The following RETSAT variants were observed in gnomAD, a reference collection of about 807,000 sequenced individuals.
RETSAT encodes the protein all-trans-retinol 13,14-reductase.
A neutral mutation model predicts 61.6 loss-of-function variants in RETSAT; 35 were observed. The ratio of observed to expected loss-of-function variants is 0.57; its 90% CI spans 0.43 to 0.75. The LOEUF (loss-of-function observed/expected upper bound fraction) is 0.75, where lower values mean the gene tolerates loss of function less well. Among genes scored for constraint, RETSAT ranks in the 30% least tolerant of loss-of-function variants. The pLI, the probability that RETSAT is intolerant of heterozygous loss-of-function variation, is 0.00. For missense variants in RETSAT, 670 were observed against 759.5 expected (o/e 0.88, Z 1.38); for synonymous variants, 277 against 310.4 (o/e 0.89, Z 1.13).
At chr2:85,348,859 T>C (rs1683249339) in intron 5 of RETSAT, among the ~76,000 whole-genome samples, 1 of 151,426 alleles carries the variant, frequency 6.6e-6, no homozygotes, top group Non-Finnish European at 1.5e-5. Context: ...CAAGCAATTC[T>C]TCCGCCTCAG....
At chr2:85,351,439 A>G (rs1226891552) in intron 2 of RETSAT, 1 of 488,170 alleles carries the variant, frequency 2.0e-6, no homozygotes, top group Admixed American at 3.9e-5. Context: ...CACTCGGGAG[A>G]CTGAGGCATG....
chr2:85,343,375 T>A lies in RETSAT; in HGVS notation c.1700A>T (p.Asp567Val). The A allele has an allele frequency of 6.2e-7, 1 of 1,612,458 alleles. No individual in the cohort carries two copies. The highest frequency in any genetic ancestry group is 8.5e-7 in the Non-Finnish European group (1 of 1,178,992). The stretch of plus-strand genomic sequence containing the variant: ...CCCGACCAGTCCACAGGTGAAGATA[T>A]CCTGGCCTAGGAGGCAAGAGCAGAG... ...PIPNLYLTGQ[D>V]IFTCGLVGAL... is the part of the protein sequence containing the mutation. The change falls in exon 11 of 11, where the codon GAT (aspartate) becomes GTT (valine). Residue 567 changes from aspartate (D) to valine (V), a missense_variant. Coordinates refer to ENST00000295802, the MANE Select transcript of RETSAT (RefSeq NM_017750.4).
At chr2:85,346,234 C>T in intron 5 of RETSAT, 140 bp from the exon 6 acceptor site, 1 of 1,140,026 alleles carries the variant, frequency 8.8e-7, no homozygotes, top group Non-Finnish European at 1.2e-6. Flanking sequence ...CAGGGCAGGC[C>T]CCTGGGAAAA....
rs764257993 is a variant in RETSAT at position 85,349,620 on chromosome 2, G to A, written c.800-39C>T. 4 of 1,543,712 alleles carry A rather than the reference G, an allele frequency of 2.6e-6. No homozygotes were observed. In the East Asian group the frequency reaches 9.0e-5, roughly 35 times the overall value. On this transcript the variant is annotated intron_variant, in intron 4 of 10. Coordinates refer to ENST00000295802, the MANE Select transcript of RETSAT (RefSeq NM_017750.4). ...GAAGGGTGGTGAGCTGGCAAGAGAAGGCACCAGCACCATTCAGAAAGGAAC... is the reference window on the plus strand; with the variant it reads ...GAAGGGTGGTGAGCTGGCAAGAGAAAGCACCAGCACCATTCAGAAAGGAAC...
chr2:85,343,265 G>C lies in RETSAT; in HGVS notation c.1810C>G (p.Arg604Gly). The change falls in exon 11 of 11, where the codon CGG becomes GGG. Residue 604 changes from arginine (R) to glycine (G), a missense_variant. Arg to Gly is a moderately radical substitution (Grantham distance 125). Transcript: ENST00000295802. ...SDLKNLDSRI[R>G]AQKKKN ...AACTAATTCTTTTTCTTCTGTGCCC[G>C]GATCCTAGAATCAAGATTCTTAAGG... 3 of 1,613,974 alleles carry C rather than the reference G, an allele frequency of 1.9e-6. No individual in the cohort carries two copies. The highest frequency in any genetic ancestry group is 2.5e-6 in the Non-Finnish European group (3 of 1,180,008).
At chr2:85,351,129 C>T (rs878967430) in intron 2 of RETSAT, 108 bp from the exon 3 acceptor site, 29 of 1,352,550 alleles carry the variant, frequency 2.1e-5, no homozygotes, top group East Asian at 4.6e-5. Context: ...GCCAAGTTCA[C>T]GCCCAGAGTG....
At chr2:85,350,285 C>T (rs1683276916) in intron 3 of RETSAT, 44 bp from the exon 4 acceptor site, 1 of 1,467,654 alleles carries the variant, frequency 6.8e-7, no homozygotes, top group Admixed American at 1.7e-5. Flanking sequence ...TCTAGAACCG[C>T]TTTGACAGAA....
intron 7 of RETSAT, 106 bp downstream of exon 7, chr2:85,344,488 G>A: frequency 6.4e-7 from 1 of 1,553,900 alleles, no homozygotes; most frequent in Non-Finnish European, 8.8e-7. Flanking sequence ...ACTTCCAGGA[G>A]CAAATTAGAA....
At chr2:85,347,647 C>G (rs868058150) in intron 5 of RETSAT, among the ~76,000 whole-genome samples, 1 of 152,244 alleles carries the variant, frequency 6.6e-6, no homozygotes, top group African/African-American at 2.4e-5. Context: ...GGATTACAGG[C>G]ATGAGCCACT....
chr2:85,351,884 G>T, intron 1 of RETSAT, 22 bp from the exon 2 acceptor site: 2 of 1,608,294 alleles, frequency 1.2e-6, no homozygotes, highest in Non-Finnish European at 1.7e-6. Flanking sequence ...GGGCCAAAGG[G>T]TGGGTTTCTC....
In RETSAT at chr2:85,349,607, G is replaced by A. The variant is rs1558683374; in HGVS notation, c.800-26C>T. 1.9e-6 allele frequency: 3 copies of A among 1,600,612 alleles called. No homozygotes were observed. The Middle Eastern group carries it at 5.0e-4, about 265-fold the overall frequency. On this transcript the variant is annotated intron_variant, in intron 4 of 10. Coordinates refer to ENST00000295802, the MANE Select transcript of RETSAT (RefSeq NM_017750.4). ...CTGCAGAAGCAAGGAAGGGTGGTGAGCTGGCAAGAGAAGGCACCAGCACCA... is the reference window on the plus strand; with the variant it reads ...CTGCAGAAGCAAGGAAGGGTGGTGAACTGGCAAGAGAAGGCACCAGCACCA...
intron 5 of RETSAT, 54 bp downstream of exon 5, chr2:85,349,328 GTC>G (rs10590946): frequency 0.19 from 296,732 of 1,577,310 alleles, 28,871 homozygotes; most frequent in East Asian, 0.36. Flanking sequence ...GAGACCCCAG[GTC>G]TCGCCCACAC....
chr2:85,347,506 C>T lies in RETSAT; in HGVS notation c.998-1412G>A, dbSNP rs554174889. Among the ~76,000 whole-genome samples the T allele has an allele frequency of 3.3e-5, 5 of 152,022 alleles. No individual in the cohort carries two copies. In the South Asian group the frequency reaches 6.2e-4, roughly 19 times the overall value. On this transcript the variant is annotated intron_variant, in intron 5 of 10. Transcript: ENST00000295802. Reference sequence around the variant, plus strand: ...CCTCCCAAAGTGCTGGGATTACAGGCGTGAGCCACTGCGCCTGGCCCTGGC... The same window carrying T: ...CCTCCCAAAGTGCTGGGATTACAGGTGTGAGCCACTGCGCCTGGCCCTGGC...
In RETSAT at chr2:85,351,267, C is replaced by T. The variant is rs544675207; in HGVS notation, c.356-246G>A. The T allele has an allele frequency of 1.9e-5, 10 of 538,302 alleles. No homozygotes were observed. The South Asian group carries it at 2.1e-4, about 11-fold the overall frequency. 33.3% of individuals were successfully genotyped at this position (538,302 alleles called of 1,614,324 possible). A position where few individuals can be genotyped will look rare whatever the true frequency, so the allele number is the denominator to read the frequency against. On this transcript the variant is annotated intron_variant, in intron 2 of 10. Transcript: ENST00000295802. Reference sequence around the variant, plus strand: ...GAGGCTGGGCACGGTGGCTCACACCCATAATCCCAACACTTTGGGAGGCAG... The same window carrying T: ...GAGGCTGGGCACGGTGGCTCACACCTATAATCCCAACACTTTGGGAGGCAG...
At chr2:85,346,213 C>G (rs1683199017) in intron 5 of RETSAT, 119 bp from the exon 6 acceptor site, 2 of 1,370,442 alleles carry the variant, frequency 1.5e-6, no homozygotes, top group East Asian at 4.6e-5. Flanking sequence ...GTCCAGCTAC[C>G]TAGACTCAGG....
At chr2:85,349,921 C>T in intron 4 of RETSAT, 119 bp downstream of exon 4, 1 of 943,928 alleles carries the variant, frequency 1.1e-6, no homozygotes, top group South Asian at 1.6e-5. Context: ...CTCCAGAGGG[C>T]CTGGGGTTTA....
Position 85,342,209 on chromosome 2 carries a change from T to A in RETSAT, c.*1033A>T. 5.1e-6 allele frequency: 1 copy of A among 196,560 alleles called. No individual in the cohort carries two copies. The allele number at this position is 196,560 out of a possible 1,614,324, so 12.2% of individuals were successfully genotyped here. On this transcript the variant is annotated 3_prime_UTR_variant, in exon 11 of 11. Transcript: ENST00000295802. Reference sequence around the variant, plus strand: ...ACTGAAAAGTCATTTTTCCAAACCTTGAGCTTGCATTCACCTACCTGTCTA... The same window carrying A: ...ACTGAAAAGTCATTTTTCCAAACCTAGAGCTTGCATTCACCTACCTGTCTA...
At position 85,346,007 on chromosome 2, in the gene RETSAT, T is replaced by C. The variant is rs965665818; in HGVS notation, c.1085A>G (p.His362Arg). ...SNAGLFNTYE[H>R]LLPGNARCLP... ...GCAGCGGGCGTTCCCCGGCAGTAGG[T>C]GTTCATAGGTGTTGAACAGTCCTGC... The change falls in exon 6 of 11, where the codon CAC (histidine) becomes CGC (arginine). Residue 362 changes from histidine (H) to arginine (R), a missense_variant. Coordinates refer to ENST00000295802, the MANE Select transcript of RETSAT (RefSeq NM_017750.4). The C allele has an allele frequency of 1.2e-6, 2 of 1,614,158 alleles. No homozygotes were observed. The highest frequency in any genetic ancestry group is 1.7e-6 in the Non-Finnish European group (2 of 1,180,024).
Sources: gnomAD v4.1 joint callset for allele counts (sites outside exome capture counted in the v4.1 genomes callset) on GRCh38, gnomAD v4.1.1 for gene constraint, MANE v1.5 for transcripts, NCBI Gene and HGNC (gene_info 2026-07-23, HGNC 2026-07-21) for gene names.